The following CCT3 variants were observed in gnomAD, a reference collection of about 807,000 sequenced individuals.
CCT3 encodes T-complex protein 1 subunit gamma.
Under a neutral mutation model 65.3 loss-of-function variants are expected in CCT3, and 10 were observed. The observed-to-expected ratio is 0.15, with a 90% CI of 0.09 to 0.26. The LOEUF is 0.26. CCT3 is among the 10% of genes least tolerant of loss of function. CCT3 has a pLI of 1.00. For synonymous variants in CCT3, 225 were observed against 242.3 expected (o/e 0.93, Z 0.66); for missense variants, 626 against 708.7 (o/e 0.88, Z 1.33).
chr1:156,317,297 T>C, intron 9 of CCT3, 50 bp from the exon 10 acceptor site: 1 of 1,605,292 alleles, frequency 6.2e-7, no homozygotes, highest in Admixed American at 1.7e-5. Flanking sequence ...ACTGGTTTTA[T>C]AATCAAAGTA....
intron 2 of CCT3, chr1:156,335,432 G>A (rs1246585211): frequency 1.0e-5 from 2 of 195,042 alleles, no homozygotes; most frequent in African/African-American, 4.7e-5. Context: ...TCCTAAATCA[G>A]ATATAAGGCT....
intron 5 of CCT3, among the ~76,000 whole-genome samples, chr1:156,329,883 G>A (rs916684544): frequency 6.6e-6 from 1 of 151,620 alleles, no homozygotes; most frequent in Non-Finnish European, 1.5e-5. Flanking sequence ...AGGCTGCAGT[G>A]AGCCAAGATC....
chr1:156,319,980 G>T (rs1664483808), intron 7 of CCT3, among the ~76,000 whole-genome samples: 1 of 152,146 alleles, frequency 6.6e-6, no homozygotes, highest in Non-Finnish European at 1.5e-5. Context: ...CCTGTCCCTT[G>T]TCCTCATAAA....
chr1:156,320,741 A>T (rs1180161854), intron 7 of CCT3, 98 bp downstream of exon 7: 20 of 959,898 alleles, frequency 2.1e-5, no homozygotes, highest in Non-Finnish European at 2.7e-5. Flanking sequence ...TCAAAAACAA[A>T]ACAAAACAAC....
At chr1:156,314,606 C>T (rs1358322598) in intron 10 of CCT3, among the ~76,000 whole-genome samples, 1 of 151,952 alleles carries the variant, frequency 6.6e-6, no homozygotes, top group African/African-American at 2.4e-5. Context: ...CCCAGCTACT[C>T]GGGAGGCTGA....
At chr1:156,336,540 A>G (rs1198658501) in intron 1 of CCT3, among the ~76,000 whole-genome samples, 3 of 152,186 alleles carry the variant, frequency 2.0e-5, no homozygotes, top group African/African-American at 7.2e-5. Flanking sequence ...ATGTAATAAG[A>G]AGGCCTCAGT....
At chr1:156,329,604 C>T (rs1297652801) in intron 5 of CCT3, among the ~76,000 whole-genome samples, 1 of 151,792 alleles carries the variant, frequency 6.6e-6, no homozygotes, top group Non-Finnish European at 1.5e-5. Context: ...CGCGCCCAGC[C>T]CATATCCCCA....
intron 13 of CCT3, among the ~76,000 whole-genome samples, chr1:156,310,287 G>A (rs1391049292): frequency 1.3e-5 from 2 of 152,022 alleles, no homozygotes; most frequent in Non-Finnish European, 2.9e-5. Context: ...GAGGTCAGGA[G>A]TTCGAGACCA....
intron 2 of CCT3, 73 bp from the exon 3 acceptor site, chr1:156,334,991 A>G (rs3762281): frequency 0.5 from 644,617 of 1,290,790 alleles, 163,646 homozygotes; most frequent in Admixed American, 0.65. Context: ...AGTAATAGGG[A>G]AAAGGGGCAT....
chr1:156,333,655 G>C lies in CCT3; in HGVS notation c.208-12C>G. On this transcript the variant is annotated splice_polypyrimidine_tract_variant and intron_variant, in intron 4 of 13. Transcript: ENST00000295688. ...TGCTGGACTTGAATCTAAAAAGGTA[G>C]ATCACTAGTGAATTCACACTATTCA... is the stretch of plus-strand genomic sequence containing the variant. 6.2e-7 allele frequency: 1 copy of C among 1,604,462 alleles called. No homozygotes were observed. The highest frequency in any genetic ancestry group is 8.5e-7 in the Non-Finnish European group (1 of 1,171,398).
chr1:156,325,768 C>T (rs866442420), intron 5 of CCT3, among the ~76,000 whole-genome samples: 28 of 151,656 alleles, frequency 1.8e-4, no homozygotes, highest in Non-Finnish European at 7.4e-5. Context: ...TTAGTAGAGA[C>T]GGGTTTTACT....
In CCT3 at chr1:156,311,142, C is replaced by A. The variant is rs1664068336; in HGVS notation, c.1209G>T (p.Leu403=). Residue 403 remains leucine (L), a synonymous_variant, in exon 12 of 14, where the codon CTG becomes CTT. Coordinates refer to ENST00000295688, the MANE Select transcript of CCT3 (RefSeq NM_005998.5). ...DAMQVCRNVL[L]DPQLVPGGGA... ...CACCCCCTGGCACCAGCTGAGGGTC[C>A]AGGAGAACATTGCGACACACTTGCA... The A allele has an allele frequency of 6.2e-7, 1 of 1,614,080 alleles. No homozygotes were observed. The highest frequency in any genetic ancestry group is 8.5e-7 in the Non-Finnish European group (1 of 1,179,998).
At chr1:156,327,437 C>T (rs1334588555) in intron 5 of CCT3, among the ~76,000 whole-genome samples, 4 of 152,012 alleles carry the variant, frequency 2.6e-5, no homozygotes, top group South Asian at 2.1e-4. Flanking sequence ...ATTGCAGGCG[C>T]GCGCCGCCAC....
chr1:156,322,719 C>T (rs1000413523), intron 6 of CCT3, among the ~76,000 whole-genome samples: 2 of 151,522 alleles, frequency 1.3e-5, no homozygotes, highest in African/African-American at 4.9e-5. Context: ...ATTAGCCAGG[C>T]GTAGTGGCAC....
chr1:156,329,740 A>C (rs1300367225), intron 5 of CCT3, among the ~76,000 whole-genome samples: 1 of 149,008 alleles, frequency 6.7e-6, no homozygotes, highest in East Asian at 2.1e-4. Flanking sequence ...GGAGTTTGAG[A>C]CCAGCCTGAC....
At chr1:156,333,064 G>C (rs1665175054) in intron 5 of CCT3, 1 of 179,156 alleles carries the variant, frequency 5.6e-6, no homozygotes, top group Non-Finnish European at 1.2e-5. Context: ...GGGAGGCCAA[G>C]GAGGGCGGAT....
Position 156,320,616 on chromosome 1 carries a change from T to C in CCT3, c.609+223A>G, listed in dbSNP as rs141719076. 2.2e-4 allele frequency among the ~76,000 whole-genome samples: 33 copies of C among 152,140 alleles called. No individual in the cohort carries two copies. In the East Asian group the frequency reaches 5.8e-3, roughly 27 times the overall value. ...AAAAAATTTGCTGGGCACAGTGGCATGTGCCTGTAGTCCTAGCAAATCAGA... is the reference window on the plus strand; with the variant it reads ...AAAAAATTTGCTGGGCACAGTGGCACGTGCCTGTAGTCCTAGCAAATCAGA... On this transcript the variant is annotated intron_variant, in intron 7 of 13. Transcript: ENST00000295688.
chr1:156,315,748 A>G (rs1664281496), intron 10 of CCT3, among the ~76,000 whole-genome samples: 1 of 152,180 alleles, frequency 6.6e-6, no homozygotes, highest in African/African-American at 2.4e-5. Context: ...TAAGGCAACT[A>G]GTCATCACTA....
At chr1:156,330,654 T>A (rs1056785842) in intron 5 of CCT3, among the ~76,000 whole-genome samples, 9 of 151,340 alleles carry the variant, frequency 5.9e-5, no homozygotes, top group African/African-American at 2.2e-4. Context: ...AGAGTGAGAC[T>A]CTGTCACACA....
Sources: allele counts gnomAD v4.1 joint callset (sites outside exome capture counted in the v4.1 genomes callset), GRCh38; gene constraint gnomAD v4.1.1; transcripts MANE v1.5; gene names NCBI Gene and HGNC (gene_info 2026-07-23, HGNC 2026-07-21).